The following HCAR1 variants were observed in gnomAD, a reference collection of about 807,000 sequenced individuals.
HCAR1 encodes G protein-coupled receptor 104.
For synonymous variants in HCAR1, 183 were observed against 182.1 expected (o/e 1.01, Z -0.04); for missense variants, 445 against 448.7 (o/e 0.99, Z 0.07).
In HCAR1 at chr12:122,730,088, C is replaced by A; in HGVS notation, c.252G>T (p.Gly84=). 6.2e-7 allele frequency: 1 copy of A among 1,614,126 alleles called. No homozygotes were observed. Among genetic ancestry groups the A allele is most frequent in the Non-Finnish European group, 8.5e-7 (1 of 1,180,014 alleles). The change falls in exon 1 of 1, where the codon GGG becomes GGT. Residue 84 remains glycine, a synonymous_variant. Transcript: ENST00000432564. ...YYLRRRHWAF[G]DIPCRVGLFT... ...AGAGCCCCACTCGGCAGGGAATGTC[C>A]CCAAAAGCCCAGTGTCTACGTCTGA...
At position 122,729,950 on chromosome 12, in the gene HCAR1, C is replaced by T. The variant is rs770588245; in HGVS notation, c.390G>A (p.Arg130=). The part of the protein sequence containing the change: ...PHHAVNTIST[R]VAAGIVCTLW... ...GGGTGCAGACGATGCCAGCCGCCAC[C>T]CGGGTGGAGATAGTGTTCACCGCGT... Residue 130 remains arginine, a synonymous_variant, in exon 1 of 1, where the codon CGG becomes CGA. Transcript: ENST00000432564. 1 of 1,613,748 alleles carries T rather than the reference C, an allele frequency of 6.2e-7. No homozygotes were observed. Among genetic ancestry groups the T allele is most frequent in the South Asian group, 1.1e-5 (1 of 91,074 alleles).
Position 122,729,228 on chromosome 12 carries a change from C to T in HCAR1, c.*71G>A. Reference sequence around the variant, plus strand: ...AGAAAGGGGGGTGGCATTTTCAAAGCCCCCGACCCCTTAGCACGAGTTAAT... The same window carrying T: ...AGAAAGGGGGGTGGCATTTTCAAAGTCCCCGACCCCTTAGCACGAGTTAAT... On this transcript the variant is annotated 3_prime_UTR_variant, in exon 1 of 1. Coordinates refer to ENST00000432564, the MANE Select transcript of HCAR1 (RefSeq NM_032554.4). The T allele has an allele frequency of 6.9e-7, 1 of 1,444,588 alleles. No homozygotes were observed. Among genetic ancestry groups the T allele is most frequent in the Non-Finnish European group, 9.5e-7 (1 of 1,051,228 alleles). 89.5% of individuals were successfully genotyped at this position (1,444,588 alleles called of 1,614,324 possible).
Position 122,729,233 on chromosome 12 carries a change from G to A in HCAR1, c.*66C>T, listed in dbSNP as rs968851874. 1.4e-6 allele frequency: 2 copies of A among 1,481,232 alleles called. No individual in the cohort carries two copies. Among genetic ancestry groups the A allele is most frequent in the Admixed American group, 1.8e-5 (1 of 54,056 alleles). The allele number at this position is 1,481,232 out of a possible 1,614,324, so 91.8% of individuals were successfully genotyped here. A position where few individuals can be genotyped will look rare whatever the true frequency, so the allele number is the denominator to read the frequency against. On this transcript the variant is annotated 3_prime_UTR_variant, in exon 1 of 1. Transcript: ENST00000432564. ...GGGGGGTGGCATTTTCAAAGCCCCC[G>A]ACCCCTTAGCACGAGTTAATTCTAA...
Position 122,729,934 on chromosome 12 carries a change from C to A in HCAR1, c.406G>T (p.Val136Phe), listed in dbSNP as rs201612647. The A allele has an allele frequency of 1.4e-4, 222 of 1,613,160 alleles. 1 individual carries two copies. In the Middle Eastern group the frequency reaches 3.0e-3, roughly 22 times the overall value. The change falls in exon 1 of 1, where the codon GTC becomes TTC. Residue 136 changes from valine (V) to phenylalanine (F), a missense_variant. Val to Phe is a conservative substitution (Grantham distance 50). Transcript: ENST00000432564. ...ATGACCAGGGCCCACAGGGTGCAGACGATGCCAGCCGCCACCCGGGTGGAG... is the reference window on the plus strand; with the variant it reads ...ATGACCAGGGCCCACAGGGTGCAGAAGATGCCAGCCGCCACCCGGGTGGAG... ...TISTRVAAGIVCTLWALVILG... is the reference protein window; with the variant it reads ...TISTRVAAGIFCTLWALVILG...
At position 122,730,065 on chromosome 12, in the gene HCAR1, A is replaced by C. The variant is rs1317435474; in HGVS notation, c.275T>G (p.Leu92Arg). The C allele has an allele frequency of 6.2e-7, 1 of 1,614,162 alleles. No homozygotes were observed. The change falls in exon 1 of 1, where the codon CTC becomes CGC. Residue 92 changes from leucine (L) to arginine (R), a missense_variant. Leu to Arg is a moderately radical substitution (Grantham distance 102). Transcript: ENST00000432564. ...AFGDIPCRVG[L>R]FTLAMNRAGS... ...GGCCCTGTTCATGGCCAACGTGAAG[A>C]GCCCCACTCGGCAGGGAATGTCCCC...
Position 122,728,411 on chromosome 12 carries a change from C to A in HCAR1, c.*888G>T, listed in dbSNP as rs553098247. On this transcript the variant is annotated 3_prime_UTR_variant, in exon 1 of 1. Coordinates refer to ENST00000432564, the MANE Select transcript of HCAR1 (RefSeq NM_032554.4). ...ACCAGGAAGTCACAATGATGACAGA[C>A]GTACAGATGTACATTTGGACAAAAT... The A allele has an allele frequency of 6.6e-6, 1 of 152,030 alleles. No homozygotes were observed. Among genetic ancestry groups the A allele is most frequent in the African/African-American group, 2.4e-5 (1 of 41,384 alleles). 9.4% of individuals were successfully genotyped at this position (152,030 alleles called of 1,614,324 possible). A position where few individuals can be genotyped will look rare whatever the true frequency, so the allele number is the denominator to read the frequency against.
Position 122,730,083 on chromosome 12 carries a change from A to G in HCAR1, c.257T>C (p.Ile86Thr), listed in dbSNP as rs897204638. The G allele has an allele frequency of 6.8e-6, 11 of 1,614,160 alleles. No homozygotes were observed. Among genetic ancestry groups the G allele is most frequent in the Non-Finnish European group, 9.3e-6 (11 of 1,180,010 alleles). Reference protein sequence around the residue: ...LRRRHWAFGDIPCRVGLFTLA... With the variant: ...LRRRHWAFGDTPCRVGLFTLA... ...CGTGAAGAGCCCCACTCGGCAGGGAATGTCCCCAAAAGCCCAGTGTCTACG... is the reference window on the plus strand; with the variant it reads ...CGTGAAGAGCCCCACTCGGCAGGGAGTGTCCCCAAAAGCCCAGTGTCTACG... The change falls in exon 1 of 1, where the codon ATT (isoleucine) becomes ACT (threonine). Residue 86 changes from isoleucine to threonine, a missense_variant. Coordinates refer to ENST00000432564, the MANE Select transcript of HCAR1 (RefSeq NM_032554.4).
At position 122,727,872 on chromosome 12, in the gene HCAR1, C is replaced by T. The variant is rs1465242685; in HGVS notation, c.*1427G>A. 1 of 152,114 alleles carries T rather than the reference C, an allele frequency of 6.6e-6. No individual in the cohort carries two copies. The allele number at this position is 152,114 out of a possible 1,614,324, so 9.4% of individuals were successfully genotyped here. A position where few individuals can be genotyped will look rare whatever the true frequency, so the allele number is the denominator to read the frequency against. ...ACCACTTTGTAGCTTGAGAAAGGAG[C>T]TAGAGTTGGCCTGGAATGTTTCCCC... is the stretch of plus-strand genomic sequence containing the variant. On this transcript the variant is annotated 3_prime_UTR_variant, in exon 1 of 1. Coordinates refer to ENST00000432564, the MANE Select transcript of HCAR1 (RefSeq NM_032554.4).
rs368881768 is a variant in HCAR1 at position 122,727,472 on chromosome 12, CT to C, written c.*1826del. On this transcript the variant is annotated 3_prime_UTR_variant, in exon 1 of 1. Coordinates refer to ENST00000432564, the MANE Select transcript of HCAR1 (RefSeq NM_032554.4). ...CAAAGAACTAGAAGTTGGCAAAGTT[CT>C]TTTTTTTTTTTGAGACGGCGTTTCA... is the stretch of plus-strand genomic sequence containing the variant. 69 of 146,648 alleles carry C rather than the reference CT, an allele frequency of 4.7e-4. No individual in the cohort carries two copies. Among genetic ancestry groups the C allele is most frequent in the Admixed American group, 6.1e-4 (9 of 14,664 alleles). The allele number at this position is 146,648 out of a possible 1,614,324, so 9.1% of individuals were successfully genotyped here.
rs201480905 is a variant in HCAR1, at chr12:122,729,275, C to T, written c.*24G>A. The T allele has an allele frequency of 1.6e-4, 256 of 1,602,016 alleles. 1 individual carries two copies. In the African/African-American group the frequency reaches 3.0e-3, roughly 18 times the overall value. On this transcript the variant is annotated 3_prime_UTR_variant, in exon 1 of 1. Coordinates refer to ENST00000432564, the MANE Select transcript of HCAR1 (RefSeq NM_032554.4). ...TAATTCTAAGTCACCACTCTATCTT[C>T]CTCAGTGTTGTTGGTCTGCTTGTTC...
In HCAR1 at chr12:122,730,119, T is replaced by C. The variant is rs201991947; in HGVS notation, c.221A>G (p.Tyr74Cys). The C allele has an allele frequency of 2.0e-4, 327 of 1,613,886 alleles. No homozygotes were observed. Among genetic ancestry groups the C allele is most frequent in the Non-Finnish European group, 2.6e-4 (303 of 1,180,004 alleles). Residue 74 changes from tyrosine to cysteine, a missense_variant, in exon 1 of 1, where the codon TAT becomes TGT. Coordinates refer to ENST00000432564, the MANE Select transcript of HCAR1 (RefSeq NM_032554.4). ...LMICLPFRTD[Y>C]YLRRRHWAFG... is the part of the protein sequence containing the mutation. ...AGCCCAGTGTCTACGTCTGAGGTAA[T>C]AGTCTGTCCGAAAAGGCAGGCAGAT...
Position 122,726,576 on chromosome 12 carries a change from G to C in HCAR1, c.*2723C>G, listed in dbSNP as rs1302219994. ...ACTGAGGTTGTATTACAGTATCCCT[G>C]TTTGACAGACGAGGAAAATGAAGCT... is the stretch of plus-strand genomic sequence containing the variant. On this transcript the variant is annotated 3_prime_UTR_variant, in exon 1 of 1. Transcript: ENST00000432564. The C allele has an allele frequency of 6.6e-6, 1 of 152,112 alleles. No individual in the cohort carries two copies. The highest frequency in any genetic ancestry group is 1.5e-5 in the Non-Finnish European group (1 of 68,046). The allele number at this position is 152,112 out of a possible 1,614,324, so 9.4% of individuals were successfully genotyped here.
chr12:122,730,367 C>A lies in HCAR1; in HGVS notation c.-28G>T. 2 of 1,518,822 alleles carry A rather than the reference C, an allele frequency of 1.3e-6. No homozygotes were observed. The highest frequency in any genetic ancestry group is 1.8e-6 in the Non-Finnish European group (2 of 1,129,496). The allele number at this position is 1,518,822 out of a possible 1,614,324, so 94.1% of individuals were successfully genotyped here. Reference sequence around the variant, plus strand: ...CGGGGACAGAGCAAGTGTCCGGGTGCAGAGCAGCCCAGGGAGTCCCCACAA... The same window carrying A: ...CGGGGACAGAGCAAGTGTCCGGGTGAAGAGCAGCCCAGGGAGTCCCCACAA... On this transcript the variant is annotated 5_prime_UTR_variant, in exon 1 of 1. Coordinates refer to ENST00000432564, the MANE Select transcript of HCAR1 (RefSeq NM_032554.4).
At position 122,729,690 on chromosome 12, in the gene HCAR1, T is replaced by G. The variant is rs1877886355; in HGVS notation, c.650A>C (p.Lys217Thr). The change falls in exon 1 of 1, where the codon AAG (lysine) becomes ACG (threonine). Residue 217 changes from lysine to threonine, a missense_variant. Lys to Thr is a moderately conservative substitution (Grantham distance 78). Transcript: ENST00000432564. ...CACCACCATGATGAACCGGGTCGCC[T>G]TCTTCATCCGAGCCTGTCTGGCCAG... is the stretch of plus-strand genomic sequence containing the variant. ...QQLARQARMK[K>T]ATRFIMVVAI... The G allele has an allele frequency of 6.2e-7, 1 of 1,613,956 alleles. No individual in the cohort carries two copies. The highest frequency in any genetic ancestry group is 8.5e-7 in the Non-Finnish European group (1 of 1,180,026).
chr12:122,730,672 G>A lies in HCAR1; in HGVS notation c.-333C>T. On this transcript the variant is annotated 5_prime_UTR_variant, in exon 1 of 1. Transcript: ENST00000432564. ...TTTCTGAGAGGCGGTAGGGTGGGGG[G>A]GTCCGATGAGATTGATGCCGTAGAG... 4.0e-6 allele frequency: 1 copy of A among 247,322 alleles called. No homozygotes were observed. The highest frequency in any genetic ancestry group is 5.2e-5 in the Admixed American group (1 of 19,314). 15.3% of individuals were successfully genotyped at this position (247,322 alleles called of 1,614,324 possible). A position where few individuals can be genotyped will look rare whatever the true frequency, so the allele number is the denominator to read the frequency against.
At position 122,730,258 on chromosome 12, in the gene HCAR1, G is replaced by A; in HGVS notation, c.82C>T (p.Leu28=). The A allele has an allele frequency of 1.9e-6, 3 of 1,611,766 alleles. No homozygotes were observed. The highest frequency in any genetic ancestry group is 2.5e-6 in the Non-Finnish European group (3 of 1,178,474). The change falls in exon 1 of 1, where the codon CTG becomes TTG. Residue 28 remains leucine (L), a synonymous_variant. Transcript: ENST00000432564. ...GCGACCCCATTGCCTAGTGCGCCCA[G>A]CACAAAGGCCACAATGAGCAGCGGC... is the stretch of plus-strand genomic sequence containing the variant. ...MPPLLIVAFV[L]GALGNGVALC...
chr12:122,729,558 T>G lies in HCAR1; in HGVS notation c.782A>C (p.His261Pro), dbSNP rs146499431. Residue 261 changes from histidine (H) to proline (P), a missense_variant, in exon 1 of 1, where the codon CAC (histidine) becomes CCC (proline). Coordinates refer to ENST00000432564, the MANE Select transcript of HCAR1 (RefSeq NM_032554.4). ...ACDPSVHGAL[H>P]ITLSFTYMNS... ...CATGTAGGTGAAGCTGAGGGTTATG[T>G]GCAGGGCCCCATGGACAGAGGGATC... 5 of 1,613,998 alleles carry G rather than the reference T, an allele frequency of 3.1e-6. No homozygotes were observed. The highest frequency in any genetic ancestry group is 4.5e-5 in the East Asian group (2 of 44,886).
rs752376799 is a variant in HCAR1, at chr12:122,729,959, G to A, written c.381C>T (p.Ile127=). The A allele has an allele frequency of 3.1e-6, 5 of 1,613,990 alleles. No homozygotes were observed. Among genetic ancestry groups the A allele is most frequent in the Non-Finnish European group, 4.2e-6 (5 of 1,180,002 alleles). ...VVHPHHAVNT[I]STRVAAGIVC... ...CGATGCCAGCCGCCACCCGGGTGGA[G>A]ATAGTGTTCACCGCGTGGTGGGGGT... The change falls in exon 1 of 1, where the codon ATC becomes ATT. Residue 127 remains isoleucine, a synonymous_variant. Transcript: ENST00000432564.
chr12:122,729,442 T>A lies in HCAR1; in HGVS notation c.898A>T (p.Lys300Ter). ...TGTGTTTTTGAGTGTCCTGGCTGCT[T>A]GGGTTTCAGACTGCAGATTTTGAGC... ...NKLKICSLKP[K>*]QPGHSKTQRP... The change falls in exon 1 of 1, where the codon AAG becomes TAG. Residue 300 changes from lysine to a stop codon, truncating the protein, a stop_gained. Coordinates refer to ENST00000432564, the MANE Select transcript of HCAR1 (RefSeq NM_032554.4). LOFTEE classifies it low-confidence loss of function (END_TRUNC). 6.2e-7 allele frequency: 1 copy of A among 1,614,074 alleles called. No individual in the cohort carries two copies.
Sources: allele counts gnomAD v4.1 joint callset, GRCh38; gene constraint gnomAD v4.1.1; transcripts MANE v1.5; gene names NCBI Gene and HGNC (gene_info 2026-07-23, HGNC 2026-07-21).